Variants in MUC5B observed in about 807,000 individuals in gnomAD.
MUC5B encodes mucin-5B.
A neutral mutation model predicts 376.9 loss-of-function variants in MUC5B; 116 were observed. The ratio of observed to expected loss-of-function variants is 0.31; its 90% CI spans 0.26 to 0.36. The LOEUF (loss-of-function observed/expected upper bound fraction) is 0.36, where lower values mean the gene tolerates loss of function less well. MUC5B is among the 10% of genes least tolerant of loss of function. The probability of loss-of-function intolerance (pLI) is 1.00; values close to 1 mark genes in which losing one functional copy is unlikely to be tolerated. For synonymous variants in MUC5B, 3,517 were observed against 3,390.9 expected, an observed-to-expected ratio of 1.04 and a Z score of -1.29; for missense variants, 7,165 against 7,769.9, an observed-to-expected ratio of 0.92 and a Z score of 2.93.
In MUC5B at chr11:1,257,464, G is replaced by T; in HGVS notation, c.16270-66G>T. ...ACCAGCCCGAGGGAGGGGGTGGCTGGACAGATGCCCAGGGTTGACCTGTGT... is the reference window on the plus strand; with the variant it reads ...ACCAGCCCGAGGGAGGGGGTGGCTGTACAGATGCCCAGGGTTGACCTGTGT... On this transcript the variant is annotated intron_variant, in intron 40 of 48. Transcript: ENST00000529681. This position sits in a 1 kb window ranked among gnomAD's most constrained non-coding sequence, Gnocchi z 8.9. 6.4e-7 allele frequency: 1 copy of T among 1,571,422 alleles called. No individual in the cohort carries two copies. Among genetic ancestry groups the T allele is most frequent in the Non-Finnish European group, 8.7e-7 (1 of 1,154,776 alleles).
In MUC5B at chr11:1,239,917, C is replaced by T. The variant is rs1490613673; in HGVS notation, c.3702C>T (p.Val1234=). 3 of 1,613,268 alleles carry T rather than the reference C, an allele frequency of 1.9e-6. No homozygotes were observed. The Admixed American group carries it at 5.0e-5, about 27-fold the overall frequency. ...DGNYYDVGAR[V]PTAENCQSCN... ...ACTACTATGACGTCGGTGCAAGGGT[C>T]CCCACAGCGGAGAACTGCCAGAGCT... Residue 1234 remains valine, a synonymous_variant, in exon 28 of 49, where the codon GTC becomes GTT. Coordinates refer to ENST00000529681, the MANE Select transcript of MUC5B (RefSeq NM_002458.3).
Position 1,249,258 on chromosome 11 carries a change from G to A in MUC5B, c.12378G>A (p.Thr4126=), listed in dbSNP as rs540584073. 7.4e-5 allele frequency: 120 copies of A among 1,611,428 alleles called. No homozygotes were observed. In the East Asian group the frequency reaches 2.3e-3, roughly 31 times the overall value. Residue 4126 remains threonine (T), a synonymous_variant, in exon 31 of 49, where the codon ACG becomes ACA. Transcript: ENST00000529681. ...TSAPITTVVT[T]GCEPQCAWSE... ...CCCCCATAACCACGGTGGTGACCAC[G>A]GGCTGTGAGCCCCAGTGTGCCTGGT...
Position 1,246,750 on chromosome 11 carries a change from C to G in MUC5B, c.9870C>G (p.Thr3290=). 2 of 1,609,612 alleles carry G rather than the reference C, an allele frequency of 1.2e-6. No individual in the cohort carries two copies. The highest frequency in any genetic ancestry group is 1.7e-6 in the Non-Finnish European group (2 of 1,177,390). Residue 3290 remains threonine (T), a synonymous_variant, in exon 31 of 49, where the codon ACC becomes ACG. Coordinates refer to ENST00000529681, the MANE Select transcript of MUC5B (RefSeq NM_002458.3). The stretch of plus-strand genomic sequence containing the variant: ...CCACGACCACCACAACCAGGGCCAC[C>G]GGCTCTGTGGCCACCCCCTCCTCCA... ...LTTTTTTTRA[T]GSVATPSSTP...
chr11:1,251,509 C>A lies in MUC5B; in HGVS notation c.14629C>A (p.Pro4877Thr), dbSNP rs1014218212. 6.2e-7 allele frequency: 1 copy of A among 1,613,306 alleles called. No individual in the cohort carries two copies. Among genetic ancestry groups the A allele is most frequent in the Non-Finnish European group, 8.5e-7 (1 of 1,179,848 alleles). The change falls in exon 31 of 49, where the codon CCC (proline) becomes ACC (threonine). Residue 4877 changes from proline to threonine, a missense_variant. By Grantham distance (38) the Pro-to-Thr change is conservative (BLOSUM62 -1). Around this residue, in one of 31 missense-constraint regions of MUC5B, gnomAD observed 730 missense variants for 592.7 expected, o/e 1.23. Transcript: ENST00000529681. ...ASSTLGTAHT[P>T]KVVTTMATMP... ...CTCCACTCTGGGAACAGCTCACACC[C>A]CCAAAGTGGTGACCACCATGGCCAC...
At position 1,249,159 on chromosome 11, in the gene MUC5B, C is replaced by T. The variant is rs374676091; in HGVS notation, c.12279C>T (p.Thr4093=). ...CCACCCCGGGCCACACCACGGCCACCTCCAGGACCACGGCCACGGCCACAC... is the reference window on the plus strand; with the variant it reads ...CCACCCCGGGCCACACCACGGCCACTTCCAGGACCACGGCCACGGCCACAC... ...GTTTPGHTTA[T]SRTTATATPS... The change falls in exon 31 of 49, where the codon ACC becomes ACT. Residue 4093 remains threonine, a synonymous_variant. Transcript: ENST00000529681. 756 of 1,611,460 alleles carry T rather than the reference C, an allele frequency of 4.7e-4. 5 individuals are homozygous for T. The highest frequency in any genetic ancestry group is 4.3e-3 in the South Asian group (392 of 90,974).
rs764991583 is a variant in MUC5B, at chr11:1,242,387, C to T, written c.5507C>T (p.Pro1836Leu). Residue 1836 changes from proline (P) to leucine (L), a missense_variant, in exon 31 of 49, where the codon CCC (proline) becomes CTC (leucine). By Grantham distance (98) the Pro-to-Leu change is moderately conservative (BLOSUM62 -3). Around this residue, in one of 31 missense-constraint regions of MUC5B, gnomAD observed 897 missense variants for 779.6 expected, o/e 1.15. Transcript: ENST00000529681. ...KSIECRAENYPEVSIDQVGQV... is the reference protein window; with the variant it reads ...KSIECRAENYLEVSIDQVGQV... The stretch of plus-strand genomic sequence containing the variant: ...ATAGAGTGCCGGGCGGAGAACTACC[C>T]CGAGGTAAGCATCGACCAGGTCGGG... 2.5e-6 allele frequency: 4 copies of T among 1,613,882 alleles called. No individual in the cohort carries two copies. The highest frequency in any genetic ancestry group is 2.2e-5 in the East Asian group (1 of 44,892).
At position 1,249,176 on chromosome 11, in the gene MUC5B, C is replaced by T. The variant is rs367864174; in HGVS notation, c.12296C>T (p.Thr4099Met). The T allele has an allele frequency of 9.2e-5, 149 of 1,611,408 alleles. No individual in the cohort carries two copies. The highest frequency in any genetic ancestry group is 3.3e-4 in the East Asian group (15 of 44,884). ...HTTATSRTTA[T>M]ATPSKTRTST... The stretch of plus-strand genomic sequence containing the variant: ...ACGGCCACCTCCAGGACCACGGCCA[C>T]GGCCACACCCAGCAAGACCCGCACC... The change falls in exon 31 of 49, where the codon ACG becomes ATG. Residue 4099 changes from threonine (T) to methionine (M), a missense_variant. Transcript: ENST00000529681.
At chr11:1,238,042 C>A (rs1862194535) in intron 25 of MUC5B, among the ~76,000 whole-genome samples, 1 of 152,198 alleles carries the variant, frequency 6.6e-6, no homozygotes, top group Admixed American at 6.5e-5. Flanking sequence ...ATGTCGGCCG[C>A]CGCTTGCCCT....
In MUC5B at chr11:1,247,180, A is replaced by T; in HGVS notation, c.10300A>T (p.Thr3434Ser). The stretch of plus-strand genomic sequence containing the variant: ...ACCTGCAGCCACCAGCAGCACAGTG[A>T]CTCCCTCCTCTGCCCTAGGGACCAC... Reference protein sequence around the residue: ...TTPAATSSTVTPSSALGTTHT... With the variant: ...TTPAATSSTVSPSSALGTTHT... The change falls in exon 31 of 49, where the codon ACT (threonine) becomes TCT (serine). Residue 3434 changes from threonine to serine, a missense_variant. Physicochemically the swap from Thr to Ser is moderately conservative, Grantham distance 58. Transcript: ENST00000529681. The T allele has an allele frequency of 1.9e-6, 3 of 1,550,702 alleles. No homozygotes were observed. In the South Asian group the frequency reaches 3.4e-5, roughly 18 times the overall value.
Position 1,259,043 on chromosome 11 carries a change from C to T in MUC5B, c.16695C>T (p.Asn5565=), listed in dbSNP as rs1564954270. 4 of 1,553,326 alleles carry T rather than the reference C, an allele frequency of 2.6e-6. No individual in the cohort carries two copies. In the South Asian group the frequency reaches 3.6e-5, roughly 14 times the overall value. Residue 5565 remains asparagine (N), a synonymous_variant, in exon 44 of 49, where the codon AAC becomes AAT. Transcript: ENST00000529681. ...PTVQCQEDAC[N]NTTCPQGFEY... ...TGCAATGTCAGGAGGATGCCTGCAA[C>T]AATACTACCTGTCCCCAGGTGAGAC...
At position 1,247,516 on chromosome 11, in the gene MUC5B, A is replaced by G; in HGVS notation, c.10636A>G (p.Ser3546Gly). Residue 3546 changes from serine to glycine, a missense_variant, in exon 31 of 49, where the codon AGC becomes GGC. By Grantham distance (56) the Ser-to-Gly change is moderately conservative. Transcript: ENST00000529681. ...CAGGACCACAGCCACAGCCACACCC[A>G]GCAAGACCCGCACCTCGACCCTGCT... Reference protein sequence around the residue: ...TSRTTATATPSKTRTSTLLPS... With the variant: ...TSRTTATATPGKTRTSTLLPS... 1 of 1,609,148 alleles carries G rather than the reference A, an allele frequency of 6.2e-7. No homozygotes were observed. The highest frequency in any genetic ancestry group is 8.5e-7 in the Non-Finnish European group (1 of 1,178,150).
Position 1,230,991 on chromosome 11 carries a change from T to C in MUC5B, c.1526T>C (p.Leu509Pro), listed in dbSNP as rs1447527837. The C allele has an allele frequency of 6.3e-7, 1 of 1,596,240 alleles. No homozygotes were observed. The highest frequency in any genetic ancestry group is 1.7e-5 in the Admixed American group (1 of 58,334). ...GVFLNSIYTQ[L>P]PLSAANITLF... The stretch of plus-strand genomic sequence containing the variant: ...TTCCTCAACTCCATCTACACGCAGC[T>C]GCCCCTGTCGGCAGGTATGTGGCTC... The change falls in exon 13 of 49, where the codon CTG (leucine) becomes CCG (proline). Residue 509 changes from leucine to proline, a missense_variant. By Grantham distance (98) the Leu-to-Pro change is moderately conservative. Coordinates refer to ENST00000529681, the MANE Select transcript of MUC5B (RefSeq NM_002458.3).
Position 1,239,484 on chromosome 11 carries a change from C to T in MUC5B, c.3501C>T (p.His1167=), listed in dbSNP as rs541148204. ...ACCCACATGGGGGCTGTGAGTGGCACTACCAGCCCTGCGGGGCACCCTGCC... is the reference window on the plus strand; with the variant it reads ...ACCCACATGGGGGCTGTGAGTGGCATTACCAGCCCTGCGGGGCACCCTGCC... ...FYNPHGGCEW[H]YQPCGAPCLK... The change falls in exon 27 of 49, where the codon CAC becomes CAT. Residue 1167 remains histidine, a synonymous_variant. Transcript: ENST00000529681. 4.4e-6 allele frequency: 7 copies of T among 1,607,342 alleles called. No individual in the cohort carries two copies. The African/African-American group carries it at 8.0e-5, about 18-fold the overall frequency.
intron 10 of MUC5B, 77 bp from the exon 11 acceptor site, chr11:1,229,928 C>T (rs540922262): frequency 1.7e-5 from 27 of 1,549,636 alleles, no homozygotes; most frequent in Middle Eastern, 1.7e-4. Context: ...CACCAGCCTC[C>T]GCCTGCGGTG....
chr11:1,240,826 G>A (rs754546252), intron 30 of MUC5B, 25 bp from the exon 31 acceptor site: 2 of 1,581,482 alleles, frequency 1.3e-6, no homozygotes, highest in African/African-American at 2.7e-5. Flanking sequence ...GCTGAGCCAG[G>A]ACCCCTTTCC....
rs746871790 is a variant in MUC5B, at chr11:1,260,692, T to C, written c.17033T>C (p.Ile5678Thr). The change falls in exon 48 of 49, where the codon ATC (isoleucine) becomes ACC (threonine). Residue 5678 changes from isoleucine to threonine, a missense_variant. Ile to Thr is a moderately conservative substitution (Grantham distance 89, BLOSUM62 -1). Transcript: ENST00000529681. Reference sequence around the variant, plus strand: ...CAGGGCTGCGAGACCGAGGTCAACATCACCTTCTGCGAGGGCTCCTGCCCC... The same window carrying C: ...CAGGGCTGCGAGACCGAGGTCAACACCACCTTCTGCGAGGGCTCCTGCCCC... ...WHQGCETEVN[I>T]TFCEGSCPGA... The C allele has an allele frequency of 3.7e-6, 6 of 1,612,248 alleles. No homozygotes were observed. The Admixed American group carries it at 6.7e-5, about 18-fold the overall frequency.
At chr11:1,231,375 G>A in intron 13 of MUC5B, 48 bp from the exon 14 acceptor site, 1 of 1,566,478 alleles carries the variant, frequency 6.4e-7, no homozygotes, top group Non-Finnish European at 8.7e-7. Flanking sequence ...AATCTAGCCA[G>A]ATCTGTCCCT....
In MUC5B at chr11:1,245,421, G is replaced by T. The variant is rs746256654; in HGVS notation, c.8541G>T (p.Lys2847Asn). 5.1e-6 allele frequency: 8 copies of T among 1,559,370 alleles called. No individual in the cohort carries two copies. Among genetic ancestry groups the T allele is most frequent in the Non-Finnish European group, 5.2e-6 (6 of 1,150,470 alleles). ...CCACGGCCACGGCCACACCCAGCAA[G>T]ACCCGCACCTCGACCCTGCTGCCCA... is the stretch of plus-strand genomic sequence containing the variant. ...SRTTATATPS[K>N]TRTSTLLPSS... is the part of the protein sequence containing the mutation. Residue 2847 changes from lysine (K) to asparagine (N), a missense_variant, in exon 31 of 49, where the codon AAG (lysine) becomes AAT (asparagine). By Grantham distance (94) the Lys-to-Asn change is moderately conservative (BLOSUM62 0). Coordinates refer to ENST00000529681, the MANE Select transcript of MUC5B (RefSeq NM_002458.3).
In MUC5B at chr11:1,248,569, C is replaced by A; in HGVS notation, c.11689C>A (p.Pro3897Thr). Reference sequence around the variant, plus strand: ...AGTGTGGATCAGCACAACCACCACACCCACAACCAGTGGCTCCACGGTGAC... The same window carrying A: ...AGTGTGGATCAGCACAACCACCACAACCACAACCAGTGGCTCCACGGTGAC... ...PPVWISTTTT[P>T]TTSGSTVTPS... Residue 3897 changes from proline to threonine, a missense_variant, in exon 31 of 49, where the codon CCC becomes ACC. Pro to Thr is a conservative substitution (Grantham distance 38). Transcript: ENST00000529681. 3 of 1,613,034 alleles carry A rather than the reference C, an allele frequency of 1.9e-6. No individual in the cohort carries two copies. The highest frequency in any genetic ancestry group is 1.7e-5 in the Admixed American group (1 of 59,954).
Sources: gnomAD v4.1 joint callset for allele counts (sites outside exome capture counted in the v4.1 genomes callset) on GRCh38, gnomAD v4.1.1 for gene constraint, gnomAD v4.1.1 regional missense constraint, Gnocchi (gnomAD v3.1) non-coding constraint, MANE v1.5 for transcripts, NCBI Gene and HGNC (gene_info 2026-07-23, HGNC 2026-07-21) for gene names.